NAALADL2: variants seen among roughly 807,000 people sequenced by gnomAD.
The protein encoded by NAALADL2 is inactive N-acetylated-alpha-linked acidic dipeptidase-like protein 2.
Under a neutral mutation model 87.2 loss-of-function variants are expected in NAALADL2, and 76 were observed. The observed-to-expected ratio is 0.87, with a 90% CI of 0.72 to 1.05. The LOEUF (loss-of-function observed/expected upper bound fraction) is 1.05, where lower values mean the gene tolerates loss of function less well. Ranked by LOEUF, NAALADL2 falls within the 50% of genes least tolerant of loss-of-function variation. The probability of loss-of-function intolerance (pLI) is 0.00; values close to 1 mark genes in which losing one functional copy is unlikely to be tolerated. For missense variants in NAALADL2, 1,089 were observed against 945.8 expected (o/e 1.15, Z -1.99); for synonymous variants, 354 against 331.0 (o/e 1.07, Z -0.75).
intron 11 of NAALADL2, among the ~76,000 whole-genome samples, chr3:175,689,748 A>AT (rs751730347): frequency 2.6e-5 from 4 of 152,020 alleles, no homozygotes; most frequent in Non-Finnish European, 4.4e-5. Context: ...TAACATTCTT[A>AT]TTTTTTACTC....
At chr3:175,790,796 A>G (rs1056535571) in intron 13 of NAALADL2, among the ~76,000 whole-genome samples, 1 of 152,224 alleles carries the variant, frequency 6.6e-6, no homozygotes, top group Non-Finnish European at 1.5e-5. Flanking sequence ...ATTCAGGTTC[A>G]TTTTCAAAAA....
At chr3:175,102,178 GACCTTT>G (rs1363951071) in intron 2 of NAALADL2, among the ~76,000 whole-genome samples, 2 of 152,014 alleles carry the variant, frequency 1.3e-5, no homozygotes, top group Non-Finnish European at 2.9e-5. Flanking sequence ...CTTATACAGG[GACCTTT>G]AGGTTCCCTC....
At chr3:174,500,081 G>C (rs965949884) in intron 1 of NAALADL2, among the ~76,000 whole-genome samples, 2 of 151,204 alleles carry the variant, frequency 1.3e-5, no homozygotes, top group African/African-American at 4.9e-5. Flanking sequence ...CTGTTTACAT[G>C]TATCTTTTTT....
chr3:174,648,353 C>G (rs1018186931), intron 2 of NAALADL2, among the ~76,000 whole-genome samples: 2 of 143,840 alleles, frequency 1.4e-5, no homozygotes, highest in African/African-American at 5.1e-5. Flanking sequence ...AAAAAAAAAA[C>G]AAACCTTTGT....
At chr3:175,672,250 C>A (rs1582847061) in intron 11 of NAALADL2, among the ~76,000 whole-genome samples, 2 of 152,248 alleles carry the variant, frequency 1.3e-5, no homozygotes, top group Admixed American at 1.3e-4. Flanking sequence ...TCCATCTTAA[C>A]CCCATCCGGG....
At chr3:174,544,868 C>T (rs572795169) in intron 1 of NAALADL2, among the ~76,000 whole-genome samples, 49 of 151,866 alleles carry the variant, frequency 3.2e-4, no homozygotes, top group African/African-American at 1.2e-3. Flanking sequence ...CACACCTAGC[C>T]TCAATTTTTA....
At chr3:174,857,778 G>C (rs1055241627), upstream of NAALADL2, among the ~76,000 whole-genome samples, 7 of 152,048 alleles carry the variant, frequency 4.6e-5, no homozygotes, top group Admixed American at 3.3e-4. Context: ...GCATTATAAA[G>C]AGAGAATGGG....
At chr3:174,864,670 C>T (rs972334488) in intron 1 of NAALADL2, among the ~76,000 whole-genome samples, 1 of 151,846 alleles carries the variant, frequency 6.6e-6, no homozygotes, top group African/African-American at 2.4e-5. Flanking sequence ...TTTCTTTGAA[C>T]AAAAGATGCA....
intron 2 of NAALADL2, among the ~76,000 whole-genome samples, chr3:175,206,608 T>G (rs138017440): frequency 0.019 from 2,940 of 152,032 alleles, 89 homozygotes; most frequent in African/African-American, 0.066. Context: ...CAGTTCAGTG[T>G]ATACTGCTCG....
intron 2 of NAALADL2, among the ~76,000 whole-genome samples, chr3:174,716,841 A>G (rs1731239302): frequency 6.6e-6 from 1 of 152,148 alleles, no homozygotes; most frequent in South Asian, 2.1e-4. Context: ...ATATTAACAT[A>G]TAATCAATAT....
At chr3:174,675,953 A>G (rs1480304885) in intron 2 of NAALADL2, among the ~76,000 whole-genome samples, 1 of 152,082 alleles carries the variant, frequency 6.6e-6, no homozygotes, top group African/African-American at 2.4e-5. Context: ...AAGCAGAAAT[A>G]AAAATTTCCT....
intron 2 of NAALADL2, among the ~76,000 whole-genome samples, chr3:174,720,080 G>A (rs572361149): frequency 8.5e-5 from 13 of 152,188 alleles, no homozygotes; most frequent in African/African-American, 2.9e-4. Context: ...GATTACAGGC[G>A]TGACCCACCG....
rs139296520 is a variant in NAALADL2, at chr3:175,724,676, A to G, written c.1897-12630A>G. Among the ~76,000 whole-genome samples, 11 of 152,226 alleles carry G rather than the reference A, an allele frequency of 7.2e-5. No individual in the cohort carries two copies. In the East Asian group the frequency reaches 2.1e-3, roughly 29 times the overall value. On this transcript the variant is annotated intron_variant, in intron 11 of 13. Transcript: ENST00000454872. ...AGGTAGAAGCAGCAAGTTCAAAAGA[A>G]CAATCTATTTATTTTTTCCATTCCC...
intron 4 of NAALADL2, among the ~76,000 whole-genome samples, chr3:175,262,135 G>A (rs1329200286): frequency 2.0e-5 from 3 of 151,998 alleles, no homozygotes; most frequent in South Asian, 4.1e-4. Context: ...TATATATATT[G>A]GTGATTTACA....
intron 11 of NAALADL2, among the ~76,000 whole-genome samples, chr3:175,656,375 T>C (rs1042859434): frequency 2.6e-5 from 4 of 152,188 alleles, no homozygotes; most frequent in Non-Finnish European, 5.9e-5. Context: ...CTTTGGTAAG[T>C]AGAACTTTCA....
chr3:175,412,811 C>T (rs1713777499), intron 5 of NAALADL2, among the ~76,000 whole-genome samples: 1 of 150,790 alleles, frequency 6.6e-6, no homozygotes, highest in South Asian at 2.1e-4. Context: ...AATTATCCAT[C>T]TGATTATTTC....
intron 1 of NAALADL2, among the ~76,000 whole-genome samples, chr3:174,466,480 A>G (rs1716543979): frequency 6.6e-6 from 1 of 152,098 alleles, no homozygotes; most frequent in African/African-American, 2.4e-5. Context: ...CATTCAGCTA[A>G]AACTCTTACT....
chr3:174,661,974 AC>A (rs1725548621), intron 2 of NAALADL2, among the ~76,000 whole-genome samples: 1 of 152,206 alleles, frequency 6.6e-6, no homozygotes, highest in Non-Finnish European at 1.5e-5. Flanking sequence ...TGGTATTTGC[AC>A]TTCTTCCAAA....
intron 11 of NAALADL2, among the ~76,000 whole-genome samples, chr3:175,673,567 C>A (rs899986299): frequency 6.6e-6 from 1 of 151,494 alleles, no homozygotes; most frequent in African/African-American, 2.4e-5. Flanking sequence ...TGACAAAAAT[C>A]ACTAAAATGA....
Sources: gnomAD v4.1 joint callset for allele counts (sites outside exome capture counted in the v4.1 genomes callset) on GRCh38, gnomAD v4.1.1 for gene constraint, MANE v1.5 for transcripts, NCBI Gene and HGNC (gene_info 2026-07-23, HGNC 2026-07-21) for gene names.